TTC34: variants seen among roughly 807,000 people sequenced by gnomAD.
The protein encoded by TTC34 is tetratricopeptide repeat domain 34.
Under a neutral mutation model 40.7 loss-of-function variants are expected in TTC34, and 44 were observed. That is an observed-to-expected ratio of 1.08 (90% confidence interval 0.85 to 1.39). The LOEUF is 1.39. Among genes scored for constraint, TTC34 ranks in the 40% most tolerant of loss-of-function variants. The pLI, the probability that TTC34 is intolerant of heterozygous loss-of-function variation, is 0.00. For missense variants in TTC34, 884 were observed against 838.0 expected (o/e 1.05, Z -0.68); for synonymous variants, 422 against 398.6 (o/e 1.06, Z -0.70).
intron 6 of TTC34, among the ~76,000 whole-genome samples, chr1:2,773,108 G>A (rs865986399): frequency 1.5e-5 from 2 of 135,156 alleles, no homozygotes; most frequent in Non-Finnish European, 3.3e-5. Flanking sequence ...CCCCAGGCGA[G>A]CATCTGACAG....
chr1:2,787,186 C>T (rs1489845063), intron 4 of TTC34, among the ~76,000 whole-genome samples: 2 of 152,186 alleles, frequency 1.3e-5, no homozygotes, highest in African/African-American at 2.4e-5. Context: ...CCTTATGCTT[C>T]GTAACCACAG....
rs1369676405 is a variant in TTC34, at chr1:2,760,497, A to C, written c.2226+23112T>G. Among the ~76,000 whole-genome samples the C allele has an allele frequency of 1.7e-4, 9 of 53,038 alleles. 4 individuals carry two copies. The highest frequency in any genetic ancestry group is 2.6e-4 in the Non-Finnish European group (9 of 34,124). 34.8% of individuals were successfully genotyped at this position (53,038 alleles called of 152,430 possible). A position where few individuals can be genotyped will look rare whatever the true frequency, so the allele number is the denominator to read the frequency against. On this transcript the variant is annotated intron_variant, in intron 6 of 8. Coordinates refer to ENST00000401095, the Ensembl canonical transcript of TTC34. ...ACACCACCCACATCCGCAGGTGAGCATCTGACAGCCTGGAGCAGCACCCAC... is the reference window on the plus strand; with the variant it reads ...ACACCACCCACATCCGCAGGTGAGCCTCTGACAGCCTGGAGCAGCACCCAC...
At chr1:2,793,756 GCTCT>G (rs1643686179) in intron 2 of TTC34, among the ~76,000 whole-genome samples, 1 of 152,120 alleles carries the variant, frequency 6.6e-6, no homozygotes, top group African/African-American at 2.4e-5. Context: ...CCACTTCTGA[GCTCT>G]CTAATTCATT....
rs1018436065 is a variant in TTC34, at chr1:2,796,484, C to T, written c.784+3560G>A. ...CAGGTGTTCCCTGTACACACCAGAG[C>T]CACGGCAGACACAGACGAGCTTCCG... is the stretch of plus-strand genomic sequence containing the variant. On this transcript the variant is annotated intron_variant, in intron 2 of 8. Transcript: ENST00000401095. This position sits in a 1 kb window ranked among gnomAD's most constrained non-coding sequence, Gnocchi z 4.5. Among the ~76,000 whole-genome samples, 1 of 152,160 alleles carries T rather than the reference C, an allele frequency of 6.6e-6. No individual in the cohort carries two copies. The highest frequency in any genetic ancestry group is 2.4e-5 in the African/African-American group (1 of 41,430).
At chr1:2,775,069 C>G (rs1336616163) in intron 6 of TTC34, 9 of 131,580 alleles carry the variant, frequency 6.8e-5, no homozygotes, top group Non-Finnish European at 1.6e-5. Context: ...ATCCTCACCT[C>G]CAGGTGAGCA....
intron 6 of TTC34, among the ~76,000 whole-genome samples, chr1:2,777,323 G>A (rs1396243753): frequency 1.6e-5 from 2 of 128,148 alleles, no homozygotes; most frequent in African/African-American, 3.1e-5. Flanking sequence ...TCCTGGAACA[G>A]CACCCCACAC....
In TTC34 at chr1:2,751,449, C is replaced by A. The variant is rs1386507631; in HGVS notation, c.2226+32160G>T. On this transcript the variant is annotated intron_variant, in intron 6 of 8. Coordinates refer to ENST00000401095, the Ensembl canonical transcript of TTC34. Reference sequence around the variant, plus strand: ...ACAGCCTGGAACAGAGCCCAGACCCCCAGGTGAGCATCTGACAGACTGGAA... The same window carrying A: ...ACAGCCTGGAACAGAGCCCAGACCCACAGGTGAGCATCTGACAGACTGGAA... Among the ~76,000 whole-genome samples the A allele has an allele frequency of 8.8e-4, 107 of 121,554 alleles. 32 individuals are homozygous for A. The East Asian group carries it at 0.026, about 30-fold the overall frequency. The allele number at this position is 121,554 out of a possible 152,430, so 79.7% of individuals were successfully genotyped here.
Position 2,687,801 on chromosome 1 carries a change from C to A in TTC34, c.2227-42238G>T, listed in dbSNP as rs376497517. On this transcript the variant is annotated intron_variant, in intron 6 of 8. Transcript: ENST00000401095. ...AGCATCTGACAGCCTGGGTCGGCAC[C>A]CACACCTCCAGGTGAGCATCTGATG... Among the ~76,000 whole-genome samples the A allele has an allele frequency of 4.9e-3, 730 of 149,468 alleles. 1 individual carries two copies. Among genetic ancestry groups the A allele is most frequent in the Admixed American group, 9.1e-3 (136 of 14,998 alleles).
At chr1:2,759,477 AC>A (rs1387028259) in intron 6 of TTC34, among the ~76,000 whole-genome samples, 2 of 109,866 alleles carry the variant, frequency 1.8e-5, no homozygotes, top group African/African-American at 8.4e-5. Flanking sequence ...AGCACCCCAC[AC>A]CCCCAGGTGA....
intron 6 of TTC34, among the ~76,000 whole-genome samples, chr1:2,695,870 C>T (rs1444876679): frequency 2.7e-5 from 4 of 149,556 alleles, no homozygotes; most frequent in Admixed American, 1.3e-4. Flanking sequence ...GGAGCAGAAC[C>T]CACACCCCGA....
intron 6 of TTC34, among the ~76,000 whole-genome samples, chr1:2,692,112 C>A (rs1416657115): frequency 8.4e-4 from 60 of 71,178 alleles, no homozygotes; most frequent in African/African-American, 2.8e-3. Context: ...CACCCCCAGG[C>A]GAGCATCTGA....
intron 6 of TTC34, among the ~76,000 whole-genome samples, chr1:2,688,393 T>C (rs1359320055): frequency 1.3e-5 from 2 of 152,104 alleles, no homozygotes; most frequent in African/African-American, 2.4e-5. Context: ...TCTGACAGCC[T>C]GGAACAGCAC....
exon 9 of TTC34, chr1:2,641,359 C>A: frequency 2.0e-6 from 3 of 1,490,456 alleles, no homozygotes; most frequent in Non-Finnish European, 2.7e-6. Flanking sequence ...GGGAGAGGGT[C>A]AGGCCCAGTC....
At chr1:2,687,254 C>T (rs796723897) in intron 6 of TTC34, among the ~76,000 whole-genome samples, 19 of 58,332 alleles carry the variant, frequency 3.3e-4, no homozygotes, top group Non-Finnish European at 5.4e-4. Context: ...CCCCCAGGTG[C>T]GCATCTGATG....
At chr1:2,656,365 A>G (rs1413924364) in intron 6 of TTC34, among the ~76,000 whole-genome samples, 5 of 103,510 alleles carry the variant, frequency 4.8e-5, no homozygotes, top group Admixed American at 1.0e-4. Context: ...AGCCTGGAAC[A>G]GCACCCACAC....
At chr1:2,688,212 C>G (rs1202602267) in intron 6 of TTC34, among the ~76,000 whole-genome samples, 115 of 57,024 alleles carry the variant, frequency 2.0e-3, no homozygotes, top group African/African-American at 0.011. Context: ...CCCACACCCC[C>G]AGGGGAGCAT....
chr1:2,684,948 C>T (rs6662065), intron 6 of TTC34, among the ~76,000 whole-genome samples: 38,410 of 101,244 alleles, frequency 0.38, 4,967 homozygotes, highest in Middle Eastern at 0.47. Context: ...GCCTGGAGCA[C>T]CACCCACACC....
intron 6 of TTC34, among the ~76,000 whole-genome samples, chr1:2,676,917 A>G (rs898461309): frequency 7.7e-6 from 1 of 129,900 alleles, no homozygotes; most frequent in Non-Finnish European, 1.7e-5. Context: ...AGCCTGGAGC[A>G]GCACCCACAC....
At chr1:2,775,433 C>T (rs1410397404) in intron 6 of TTC34, 4 of 148,444 alleles carry the variant, frequency 2.7e-5, no homozygotes, top group Admixed American at 1.3e-4. Context: ...CACCCACACT[C>T]CCAGGTGAGC....
Sources: allele counts gnomAD v4.1 joint callset (sites outside exome capture counted in the v4.1 genomes callset), GRCh38; gene constraint gnomAD v4.1.1; non-coding constraint Gnocchi (gnomAD v3.1); transcripts MANE v1.5; gene names NCBI Gene and HGNC (gene_info 2026-07-23, HGNC 2026-07-21).